MAP2K4: variants seen among roughly 807,000 people sequenced by gnomAD.
The protein encoded by MAP2K4 is mitogen-activated protein kinase kinase 4, also known as dual specificity mitogen-activated protein kinase kinase 4.
In MAP2K4, 4 loss-of-function variants were observed where a neutral mutation model predicts 48.5. That is an observed-to-expected ratio of 0.08 (90% CI 0.04 to 0.19). MAP2K4 has a LOEUF of 0.19. MAP2K4 is among the 10% of genes least tolerant of loss of function. The pLI is 1.00. For missense variants in MAP2K4, 258 were observed against 493.3 expected, an observed-to-expected ratio of 0.52 and a Z score of 4.52; for synonymous variants, 166 against 173.1, an observed-to-expected ratio of 0.96 and a Z score of 0.32.
chr17:12,039,913 T>C (rs981060081), intron 1 of MAP2K4, among the ~76,000 whole-genome samples: 9 of 152,222 alleles, frequency 5.9e-5, no homozygotes, highest in African/African-American at 2.2e-4. Context: ...CTTTTAGTGT[T>C]TAACATGTTC....
chr17:12,043,544 G>A (rs891532017), intron 1 of MAP2K4, among the ~76,000 whole-genome samples: 5 of 151,912 alleles, frequency 3.3e-5, no homozygotes, highest in African/African-American at 1.2e-4. Context: ...CAAATTTGGG[G>A]GTTCCCATTA....
intron 2 of MAP2K4, among the ~76,000 whole-genome samples, chr17:12,058,437 T>G (rs1970352218): frequency 6.6e-6 from 1 of 152,182 alleles, no homozygotes; most frequent in African/African-American, 2.4e-5. Context: ...CCATGAATTC[T>G]CTCTGATCCA....
intron 1 of MAP2K4, among the ~76,000 whole-genome samples, chr17:12,035,927 AT>A (rs1216166960): frequency 6.6e-6 from 1 of 152,160 alleles, no homozygotes; most frequent in Non-Finnish European, 1.5e-5. Flanking sequence ...CTCTCTTTTA[AT>A]CACTTTATTA....
At chr17:12,052,141 T>C (rs1970161675) in intron 1 of MAP2K4, among the ~76,000 whole-genome samples, 1 of 152,212 alleles carries the variant, frequency 6.6e-6, no homozygotes, top group South Asian at 2.1e-4. Flanking sequence ...CTTGATCATG[T>C]GCTAAGCTCG....
At chr17:12,132,204 T>A (rs1300417014) in intron 9 of MAP2K4, among the ~76,000 whole-genome samples, 3 of 152,220 alleles carry the variant, frequency 2.0e-5, no homozygotes, top group Non-Finnish European at 4.4e-5. Flanking sequence ...ATATGGTTGA[T>A]GTATACACCA....
rs551082534 is a variant in MAP2K4, at chr17:12,024,020, T to C, written c.115+3019T>C. On this transcript the variant is annotated intron_variant, in intron 1 of 10. Transcript: ENST00000353533. ...AAATGAGTCCCTAACCTCTCATTAT[T>C]TACCACACAATTTCTTTAGTTCATA... Among the ~76,000 whole-genome samples, 22 of 152,320 alleles carry C rather than the reference T, an allele frequency of 1.4e-4. No homozygotes were observed. In the South Asian group the frequency reaches 4.6e-3, roughly 32 times the overall value.
At chr17:12,024,149 T>C (rs1207818430) in intron 1 of MAP2K4, among the ~76,000 whole-genome samples, 1 of 152,170 alleles carries the variant, frequency 6.6e-6, no homozygotes, top group Non-Finnish European at 1.5e-5. Flanking sequence ...TACTTCAAAC[T>C]CCGGATCTGT....
chr17:12,045,089 C>T (rs1969919347), intron 1 of MAP2K4, among the ~76,000 whole-genome samples: 1 of 152,182 alleles, frequency 6.6e-6, no homozygotes, highest in Non-Finnish European at 1.5e-5. Context: ...AATATGGATC[C>T]CCTTAGCCCT....
rs201971628 is a variant in MAP2K4, at chr17:12,141,264, C to T, written c.*4C>T. ...CTCTCCCATGTATGTCGATTGATAT[C>T]GCTGCTACATCAGACTCTAGAAAAA... On this transcript the variant is annotated 3_prime_UTR_variant, in exon 11 of 11. Coordinates refer to ENST00000353533, the MANE Select transcript of MAP2K4 (RefSeq NM_003010.4). 54 of 1,590,628 alleles carry T rather than the reference C, an allele frequency of 3.4e-5. No homozygotes were observed. The African/African-American group carries it at 6.2e-4, about 18-fold the overall frequency.
intron 9 of MAP2K4, among the ~76,000 whole-genome samples, chr17:12,132,662 TG>T (rs938871928): frequency 4.0e-5 from 6 of 151,530 alleles, no homozygotes; most frequent in African/African-American, 1.5e-4. Context: ...CCTTGCCGAC[TG>T]AGGTGTCTGA....
intron 2 of MAP2K4, among the ~76,000 whole-genome samples, chr17:12,066,448 CTTGA>C (rs1008260684): frequency 3.9e-5 from 6 of 152,108 alleles, no homozygotes; most frequent in African/African-American, 1.4e-4. Context: ...TTTTTTGTAG[CTTGA>C]TTTTTTATTC....
intron 1 of MAP2K4, among the ~76,000 whole-genome samples, chr17:12,025,634 A>T (rs1598012181): frequency 6.6e-6 from 1 of 152,318 alleles, no homozygotes; most frequent in Middle Eastern, 3.4e-3. Flanking sequence ...CTTTGTGACC[A>T]GTCGAGTCCT....
intron 2 of MAP2K4, among the ~76,000 whole-genome samples, chr17:12,065,842 CTTGATGAA>C (rs1437365109): frequency 2.0e-5 from 3 of 152,154 alleles, no homozygotes; most frequent in Admixed American, 6.5e-5. Flanking sequence ...ATTTAGATGA[CTTGATGAA>C]TATATGAACA....
At chr17:12,073,284 G>A (rs1970879390) in intron 2 of MAP2K4, among the ~76,000 whole-genome samples, 1 of 152,190 alleles carries the variant, frequency 6.6e-6, no homozygotes, top group African/African-American at 2.4e-5. Context: ...GGAGGATGCT[G>A]ATGAATTTTA....
intron 3 of MAP2K4, among the ~76,000 whole-genome samples, chr17:12,089,487 A>G (rs1567654302): frequency 1.3e-5 from 2 of 152,200 alleles, no homozygotes; most frequent in Non-Finnish European, 2.9e-5. Flanking sequence ...CTAAAGCCCT[A>G]CACTGATTTC....
chr17:12,078,182 G>A (rs571608839), intron 2 of MAP2K4, among the ~76,000 whole-genome samples: 20 of 152,190 alleles, frequency 1.3e-4, no homozygotes, highest in Admixed American at 2.6e-4. Flanking sequence ...CTGTTAGGGA[G>A]GATGAAGAGG....
intron 3 of MAP2K4, among the ~76,000 whole-genome samples, chr17:12,088,436 T>C (rs1971436341): frequency 8.7e-6 from 1 of 114,660 alleles, no homozygotes; most frequent in Non-Finnish European, 1.8e-5. Flanking sequence ...TATAATATAT[T>C]ACATATAATA....
At position 12,120,431 on chromosome 17, in the gene MAP2K4, G is replaced by A. The variant is rs1025729701; in HGVS notation, c.814-4863G>A. On this transcript the variant is annotated intron_variant, in intron 7 of 10. Transcript: ENST00000353533. ...GCTGAGGTTGTGCCACTACACTTCA[G>A]CCTGGGCAACAGAGCAAGATTCTGT... Among the ~76,000 whole-genome samples the A allele has an allele frequency of 2.0e-5, 3 of 152,008 alleles. No individual in the cohort carries two copies. In the East Asian group the frequency reaches 5.8e-4, roughly 29 times the overall value.
chr17:12,053,293 A>G lies in MAP2K4; in HGVS notation c.116-1596A>G, dbSNP rs984940709. ...TCTGATCATCATGTTATCATTATGT[A>G]TATATAATATAAAACCTTCAAACTT... On this transcript the variant is annotated intron_variant, in intron 1 of 10. Coordinates refer to ENST00000353533, the MANE Select transcript of MAP2K4 (RefSeq NM_003010.4). Among the ~76,000 whole-genome samples, 14 of 152,044 alleles carry G rather than the reference A, an allele frequency of 9.2e-5. No individual in the cohort carries two copies. In the East Asian group the frequency reaches 1.7e-3, roughly 19 times the overall value.
Sources: gnomAD v4.1 joint callset for allele counts (sites outside exome capture counted in the v4.1 genomes callset) on GRCh38, gnomAD v4.1.1 for gene constraint, MANE v1.5 for transcripts, NCBI Gene and HGNC (gene_info 2026-07-23, HGNC 2026-07-21) for gene names.